HIVEP3: variants seen among roughly 807,000 people sequenced by gnomAD.
HIVEP3 encodes transcription factor HIVEP3.
Under a neutral mutation model 152.8 loss-of-function variants are expected in HIVEP3, and 49 were observed. That is an observed-to-expected ratio of 0.32 (90% CI 0.26 to 0.41). The LOEUF (loss-of-function observed/expected upper bound fraction) is 0.41, where lower values mean the gene tolerates loss of function less well. Ranked by LOEUF, HIVEP3 falls within the 10% of genes least tolerant of loss-of-function variation. The probability of loss-of-function intolerance (pLI) is 1.00; values close to 1 mark genes in which losing one functional copy is unlikely to be tolerated. For synonymous variants in HIVEP3, 1,269 were observed against 1,289.0 expected (o/e 0.98, Z 0.33); for missense variants, 2,790 against 3,103.3 (o/e 0.90, Z 2.40).
chr1:41,629,166 A>G (rs1459380805), intron 2 of HIVEP3, among the ~76,000 whole-genome samples: 1 of 152,130 alleles, frequency 6.6e-6, no homozygotes, highest in African/African-American at 2.4e-5. Flanking sequence ...GCAGAATTCT[A>G]AGATGGCCCT....
At chr1:41,927,318 TAAAC>T (rs1644973054) in intron 1 of HIVEP3, among the ~76,000 whole-genome samples, 1 of 152,176 alleles carries the variant, frequency 6.6e-6, no homozygotes, top group African/African-American at 2.4e-5. Context: ...GTACTCTGGC[TAAAC>T]AAACTCTGTA....
At chr1:41,610,128 CA>C (rs1181281967) in intron 3 of HIVEP3, among the ~76,000 whole-genome samples, 1 of 152,220 alleles carries the variant, frequency 6.6e-6, no homozygotes, top group Admixed American at 6.5e-5. Context: ...AAAGCCTCCA[CA>C]ACTGCATGAG....
intron 1 of HIVEP3, among the ~76,000 whole-genome samples, chr1:41,926,830 G>A (rs1341578874): frequency 2.6e-5 from 4 of 152,186 alleles, no homozygotes; most frequent in African/African-American, 9.7e-5. Flanking sequence ...AAAACCCTAT[G>A]GAGTTTTAGG....
chr1:41,969,087 A>G (rs1205508846), intron 1 of HIVEP3, among the ~76,000 whole-genome samples: 1 of 152,220 alleles, frequency 6.6e-6, no homozygotes, highest in Non-Finnish European at 1.5e-5. Context: ...AAAACATTCC[A>G]TGTTCATGGA....
chr1:41,704,457 G>T (rs1267332687), intron 1 of HIVEP3, among the ~76,000 whole-genome samples: 1 of 152,270 alleles, frequency 6.6e-6, no homozygotes, highest in African/African-American at 2.4e-5. Context: ...GCAAGCGCCA[G>T]TGCCAGCAAC....
intron 1 of HIVEP3, among the ~76,000 whole-genome samples, chr1:41,811,319 G>A (rs1251612439): frequency 6.6e-6 from 1 of 150,978 alleles, no homozygotes; most frequent in African/African-American, 2.4e-5. Flanking sequence ...CTAGTCTCCT[G>A]CTCATAAGAA....
Position 41,580,006 on chromosome 1 carries a change from G to A in HIVEP3, c.4792C>T (p.Leu1598Phe), listed in dbSNP as rs2149103581. The A allele has an allele frequency of 6.2e-7, 1 of 1,614,232 alleles. No individual in the cohort carries two copies. The highest frequency in any genetic ancestry group is 1.3e-5 in the African/African-American group (1 of 75,064). ...CAACTGACATTAGTGGTTGTGTGGA[G>A]GCTGGGGAACTGCAGTACCTTCTTT... ...DSKKVLQFPS[L>F]HTTTNVSWCY... Residue 1598 changes from leucine (L) to phenylalanine (F), a missense_variant, in exon 4 of 9, where the codon CTC (leucine) becomes TTC (phenylalanine). Leu to Phe is a conservative substitution (Grantham distance 22). This residue lies in a region of HIVEP3 where 1,078 missense variants were observed against 1,165.3 expected (regional missense o/e 0.93). Coordinates refer to ENST00000372583, the MANE Select transcript of HIVEP3 (RefSeq NM_024503.5).
intron 3 of HIVEP3, among the ~76,000 whole-genome samples, chr1:41,588,043 G>A (rs192748175): frequency 2.5e-4 from 38 of 152,286 alleles, no homozygotes; most frequent in African/African-American, 9.1e-4. Flanking sequence ...AGCAAAGGTC[G>A]GGGAACTCGT....
At chr1:41,573,147 A>T (rs1485968436) in intron 5 of HIVEP3, among the ~76,000 whole-genome samples, 1 of 152,232 alleles carries the variant, frequency 6.6e-6, no homozygotes, top group African/African-American at 2.4e-5. Flanking sequence ...TGTTGTATTA[A>T]AAAAGAAAGA....
chr1:41,866,055 A>G (rs7532778), intron 1 of HIVEP3, among the ~76,000 whole-genome samples: 12,792 of 152,242 alleles, frequency 0.084, 1,712 homozygotes, highest in African/African-American at 0.29. Flanking sequence ...CCATTAACAA[A>G]ACAGAGAGAC....
rs190325511 is a variant in HIVEP3, at chr1:41,805,451, C to T, written c.-800-104456G>A. Among the ~76,000 whole-genome samples, 20 of 152,354 alleles carry T rather than the reference C, an allele frequency of 1.3e-4. No homozygotes were observed. In the East Asian group the frequency reaches 3.7e-3, roughly 28 times the overall value. On this transcript the variant is annotated intron_variant, in intron 1 of 8. Coordinates refer to ENST00000372583, the MANE Select transcript of HIVEP3 (RefSeq NM_024503.5). ...AAGTGGCCACTGGTATCTACACGTGCCCTTCCATGGAATGAGGAAGGCAGG... is the reference window on the plus strand; with the variant it reads ...AAGTGGCCACTGGTATCTACACGTGTCCTTCCATGGAATGAGGAAGGCAGG...
At chr1:41,792,643 C>A (rs1415475801) in intron 1 of HIVEP3, among the ~76,000 whole-genome samples, 1 of 152,226 alleles carries the variant, frequency 6.6e-6, no homozygotes, top group Non-Finnish European at 1.5e-5. Flanking sequence ...GACCAGTGAG[C>A]AGGAAGGTGG....
upstream of HIVEP3, among the ~76,000 whole-genome samples, chr1:41,919,052 G>A (rs952463649): frequency 6.6e-6 from 1 of 152,022 alleles, no homozygotes; most frequent in Admixed American, 6.5e-5. Context: ...CAGTGATAAG[G>A]ATTTCATTTA....
intron 1 of HIVEP3, among the ~76,000 whole-genome samples, chr1:41,904,445 CT>C (rs1557505995): frequency 4.6e-5 from 7 of 152,182 alleles, no homozygotes; most frequent in African/African-American, 2.4e-5. Context: ...TCAGAACCCC[CT>C]GATGAGACCT....
In HIVEP3 at chr1:41,787,216, C is replaced by T. The variant is rs564964678; in HGVS notation, c.-800-86221G>A. 7.9e-4 allele frequency among the ~76,000 whole-genome samples: 121 copies of T among 152,276 alleles called. 1 individual carries two copies. The Middle Eastern group carries it at 0.014, about 17-fold the overall frequency. Reference sequence around the variant, plus strand: ...ACCAAAATAATGCCCGTGTCTGATGCATGCACTACGCCGCAACAGTATCTG... The same window carrying T: ...ACCAAAATAATGCCCGTGTCTGATGTATGCACTACGCCGCAACAGTATCTG... On this transcript the variant is annotated intron_variant, in intron 1 of 8. Coordinates refer to ENST00000372583, the MANE Select transcript of HIVEP3 (RefSeq NM_024503.5).
intron 1 of HIVEP3, among the ~76,000 whole-genome samples, chr1:42,008,988 G>A (rs143383021): frequency 3.3e-5 from 5 of 152,264 alleles, no homozygotes; most frequent in South Asian, 2.1e-4. Context: ...TAGAACTACC[G>A]TGGATATCTT....
intron 1 of HIVEP3, among the ~76,000 whole-genome samples, chr1:41,840,304 T>C (rs1022305788): frequency 6.6e-6 from 1 of 152,220 alleles, no homozygotes; most frequent in Non-Finnish European, 1.5e-5. Flanking sequence ...AAATCCAACA[T>C]GACTGTGTCT....
chr1:41,552,374 C>A (rs1244659218), intron 5 of HIVEP3, among the ~76,000 whole-genome samples: 2 of 129,106 alleles, frequency 1.5e-5, no homozygotes, highest in Admixed American at 8.3e-5. Flanking sequence ...CCCCTCCCCC[C>A]ACCCCACAAC....
chr1:41,880,700 G>A (rs1018966534), intron 1 of HIVEP3, among the ~76,000 whole-genome samples: 14 of 152,148 alleles, frequency 9.2e-5, no homozygotes, highest in African/African-American at 2.9e-4. Flanking sequence ...CCAGACATGA[G>A]GCAGTCATCT....
Sources: allele counts gnomAD v4.1 joint callset (sites outside exome capture counted in the v4.1 genomes callset), GRCh38; gene constraint gnomAD v4.1.1; regional missense constraint gnomAD v4.1.1; transcripts MANE v1.5; gene names NCBI Gene and HGNC (gene_info 2026-07-23, HGNC 2026-07-21).